The following CORIN variants were observed in gnomAD, a reference collection of about 807,000 sequenced individuals.
The protein encoded by CORIN is corin, serine peptidase, also known as atrial natriuretic peptide-converting enzyme.
Under a neutral mutation model 125.3 loss-of-function variants are expected in CORIN, and 117 were observed. That is an observed-to-expected ratio of 0.93 (90% CI 0.80 to 1.09). The LOEUF (loss-of-function observed/expected upper bound fraction) is 1.09. Ranked by LOEUF, CORIN falls within the 50% of genes least tolerant of loss-of-function variation. The pLI is 0.00. For missense variants in CORIN, 1,253 were observed against 1,306.7 expected, an observed-to-expected ratio of 0.96 and a Z score of 0.63; for synonymous variants, 450 against 466.4, an observed-to-expected ratio of 0.96 and a Z score of 0.45.
intron 12 of CORIN, among the ~76,000 whole-genome samples, chr4:47,655,514 A>C (rs1376401551): frequency 6.6e-6 from 1 of 152,166 alleles, no homozygotes; most frequent in Non-Finnish European, 1.5e-5. Flanking sequence ...TTGGGCCTTG[A>C]GTGAACACTT....
In CORIN at chr4:47,653,546, T is replaced by C; in HGVS notation, c.1843+7A>G. 6.2e-7 allele frequency: 1 copy of C among 1,610,726 alleles called. No individual in the cohort carries two copies. Among genetic ancestry groups the C allele is most frequent in the Non-Finnish European group, 8.5e-7 (1 of 1,176,908 alleles). On this transcript the variant is annotated splice_region_variant and intron_variant, in intron 13 of 21. Coordinates refer to ENST00000273857, the MANE Select transcript of CORIN (RefSeq NM_006587.4). The stretch of plus-strand genomic sequence containing the variant: ...CATTCAAGAAAAGTACCATTGCACA[T>C]ACATACCACAGTTTTCCTCATCACT...
chr4:47,615,907 G>T (rs73238614), intron 19 of CORIN, among the ~76,000 whole-genome samples: 13,924 of 152,180 alleles, frequency 0.091, 716 homozygotes, highest in East Asian at 0.17. Flanking sequence ...CACTTTTTTG[G>T]AAGAAGATTC....
chr4:47,624,278 T>C (rs949842692), intron 17 of CORIN, among the ~76,000 whole-genome samples: 1 of 152,224 alleles, frequency 6.6e-6, no homozygotes, highest in Non-Finnish European at 1.5e-5. Context: ...TCATTTTGGC[T>C]GGTGGAACCA....
intron 1 of CORIN, among the ~76,000 whole-genome samples, chr4:47,835,686 T>C (rs1427049180): frequency 1.3e-5 from 2 of 152,154 alleles, no homozygotes; most frequent in East Asian, 3.9e-4. Context: ...ACTGCTGAAA[T>C]CCACATGAAG....
chr4:47,705,585 T>C (rs552549200), intron 5 of CORIN, among the ~76,000 whole-genome samples: 1 of 152,174 alleles, frequency 6.6e-6, no homozygotes, highest in Non-Finnish European at 1.5e-5. Flanking sequence ...TCAAAACTGA[T>C]TTCGACGTGG....
chr4:47,692,999 C>T lies in CORIN; in HGVS notation c.884G>A (p.Cys295Tyr), dbSNP rs765831136. 1.2e-6 allele frequency: 2 copies of T among 1,613,734 alleles called. No homozygotes were observed. The highest frequency in any genetic ancestry group is 1.7e-6 in the Non-Finnish European group (2 of 1,179,820). Reference protein sequence around the residue: ...GKLQCNGYNDCDDWSDEAHCN... With the variant: ...GKLQCNGYNDYDDWSDEAHCN... The stretch of plus-strand genomic sequence containing the variant: ...ATGAGCCTCGTCACTCCAGTCGTCA[C>T]AGTCGTTGTAGCCATTACATTGCAG... Residue 295 changes from cysteine to tyrosine, a missense_variant, in exon 6 of 22, where the codon TGT becomes TAT. Physicochemically the swap from Cys to Tyr is radical, Grantham distance 194. Transcript: ENST00000273857.
intron 3 of CORIN, among the ~76,000 whole-genome samples, chr4:47,768,105 C>G (rs528693847): frequency 1.3e-5 from 2 of 152,330 alleles, no homozygotes; most frequent in East Asian, 1.9e-4. Context: ...AAAGCTCCCC[C>G]ACTGAGCACC....
At chr4:47,833,064 C>G (rs931658041) in intron 1 of CORIN, among the ~76,000 whole-genome samples, 1 of 151,836 alleles carries the variant, frequency 6.6e-6, no homozygotes, top group African/African-American at 2.4e-5. Context: ...TAGGATGAGA[C>G]TGGATCCTCA....
At chr4:47,725,975 G>A (rs966982828) in intron 5 of CORIN, among the ~76,000 whole-genome samples, 15 of 152,100 alleles carry the variant, frequency 9.9e-5, no homozygotes, top group Middle Eastern at 3.4e-3. Flanking sequence ...ACTTCATAAA[G>A]GTGATATTCC....
rs762249577 is a variant in CORIN at position 47,674,451 on chromosome 4, G to A, written c.1299C>T (p.Cys433=). ...EGDQRCLYNP[C]LDSCGGSSLC... is the part of the protein sequence containing the mutation. ...GAGAGCTACCACCACATGAATCAAG[G>A]CAGGGATTGTAGAGGCATCTTTGGT... The change falls in exon 10 of 22, where the codon TGC becomes TGT. Residue 433 remains cysteine, a synonymous_variant. Transcript: ENST00000273857. 1 of 1,613,896 alleles carries A rather than the reference G, an allele frequency of 6.2e-7. No individual in the cohort carries two copies. Among genetic ancestry groups the A allele is most frequent in the East Asian group, 2.2e-5 (1 of 44,884 alleles).
At chr4:47,783,742 C>CAA (rs574277930) in intron 3 of CORIN, among the ~76,000 whole-genome samples, 34 of 151,884 alleles carry the variant, frequency 2.2e-4, no homozygotes, top group African/African-American at 8.2e-4. Flanking sequence ...AAATAAACAT[C>CAA]AAGTCATAGA....
At chr4:47,689,026 C>A (rs910930867) in intron 6 of CORIN, among the ~76,000 whole-genome samples, 18 of 152,080 alleles carry the variant, frequency 1.2e-4, no homozygotes, top group African/African-American at 3.9e-4. Context: ...AATAGCTTCA[C>A]GTGGTGCTGC....
At chr4:47,650,639 T>A (rs977590372) in intron 13 of CORIN, among the ~76,000 whole-genome samples, 5 of 152,372 alleles carry the variant, frequency 3.3e-5, no homozygotes, top group African/African-American at 1.2e-4. Flanking sequence ...CTTTCCCTCA[T>A]GCTCCACTGC....
At chr4:47,622,005 C>CA (rs35710893) in intron 19 of CORIN, among the ~76,000 whole-genome samples, 2 of 107,934 alleles carry the variant, frequency 1.9e-5, no homozygotes, top group Non-Finnish European at 3.7e-5. Flanking sequence ...CCCCCTCCCC[C>CA]CACCCCACAA....
intron 4 of CORIN, among the ~76,000 whole-genome samples, chr4:47,758,073 C>T (rs917934538): frequency 2.0e-5 from 3 of 151,646 alleles, no homozygotes; most frequent in African/African-American, 7.3e-5. Flanking sequence ...GCCACTATGC[C>T]TGGCTAATTT....
rs773103789 is a variant in CORIN, at chr4:47,661,866, C to T, written c.1590-10G>A. ...GTGTTCACACAATGCCCTAGATGAA[C>T]AAGAAAGACAAAACATTAGAAGCAG... On this transcript the variant is annotated splice_polypyrimidine_tract_variant and intron_variant, in intron 11 of 21. Transcript: ENST00000273857. 3.1e-5 allele frequency: 49 copies of T among 1,576,414 alleles called. No homozygotes were observed. The highest frequency in any genetic ancestry group is 3.1e-5 in the Non-Finnish European group (36 of 1,159,370).
At chr4:47,802,967 C>T (rs1018927908) in intron 2 of CORIN, among the ~76,000 whole-genome samples, 1 of 152,104 alleles carries the variant, frequency 6.6e-6, no homozygotes, top group African/African-American at 2.4e-5. Flanking sequence ...ACGAGAGTCT[C>T]GGCCTGGCAA....
chr4:47,662,352 C>T (rs1466792789), intron 11 of CORIN, among the ~76,000 whole-genome samples: 1 of 152,142 alleles, frequency 6.6e-6, no homozygotes, highest in Non-Finnish European at 1.5e-5. Flanking sequence ...TCCCTTACTT[C>T]AGCTTCCATC....
chr4:47,821,011 C>G (rs946380089), intron 1 of CORIN, among the ~76,000 whole-genome samples: 3 of 151,984 alleles, frequency 2.0e-5, no homozygotes, highest in Non-Finnish European at 4.4e-5. Context: ...ATGAGGCAGG[C>G]GGATCATGAG....
Sources: gnomAD v4.1 joint callset for allele counts (sites outside exome capture counted in the v4.1 genomes callset) on GRCh38, gnomAD v4.1.1 for gene constraint, MANE v1.5 for transcripts, NCBI Gene and HGNC (gene_info 2026-07-23, HGNC 2026-07-21) for gene names.